Variants in NPHP4 observed in about 807,000 individuals in gnomAD.
NPHP4 encodes nephrocystin 4.
NPHP4 carries 151 observed loss-of-function variants against 155.8 expected under a neutral mutation model. The ratio of observed to expected loss-of-function variants is 0.97; its 90% CI spans 0.85 to 1.11. The LOEUF (loss-of-function observed/expected upper bound fraction) is 1.11. Ranked by LOEUF, NPHP4 falls within the 50% of genes least tolerant of loss-of-function variation. The pLI, the probability that NPHP4 is intolerant of heterozygous loss-of-function variation, is 0.00. For missense variants in NPHP4, 1,956 were observed against 1,925.7 expected, an observed-to-expected ratio of 1.02 and a Z score of -0.29; for synonymous variants, 845 against 816.8, an observed-to-expected ratio of 1.03 and a Z score of -0.59.
intron 9 of NPHP4, among the ~76,000 whole-genome samples, chr1:5,936,677 T>C: frequency 6.6e-6 from 1 of 152,228 alleles, no homozygotes; most frequent in East Asian, 1.9e-4. Context: ...GGTTTTGTTG[T>C]GGAACAGAAG....
At chr1:5,972,106 G>A (rs1652677927) in intron 3 of NPHP4, among the ~76,000 whole-genome samples, 2 of 152,356 alleles carry the variant, frequency 1.3e-5, no homozygotes, top group South Asian at 2.1e-4. Context: ...CCCATGGCAC[G>A]GCCACATGAC....
intron 7 of NPHP4, among the ~76,000 whole-genome samples, chr1:5,949,351 C>CACACACAT (rs1647471371): frequency 6.6e-6 from 1 of 151,240 alleles, no homozygotes; most frequent in African/African-American, 2.4e-5. Flanking sequence ...CATACACACA[C>CACACACAT]ACACACACAC....
chr1:5,900,515 A>G (rs1644619626), intron 16 of NPHP4, among the ~76,000 whole-genome samples: 2 of 152,276 alleles, frequency 1.3e-5, no homozygotes, highest in South Asian at 4.2e-4. Flanking sequence ...GCAACATGGA[A>G]ACAGTCAAAA....
intron 18 of NPHP4, 173 bp downstream of exon 18, chr1:5,887,113 G>A: frequency 1.6e-6 from 1 of 636,394 alleles, no homozygotes. Flanking sequence ...ACTGGGTCCA[G>A]GACAGACTCA....
intron 19 of NPHP4, among the ~76,000 whole-genome samples, chr1:5,878,331 G>C (rs764647061): frequency 1.1e-4 from 17 of 152,244 alleles, no homozygotes; most frequent in Non-Finnish European, 1.9e-4. Context: ...CCGGCAAACT[G>C]CTCTGCAGAT....
At chr1:5,962,529 T>C (rs10779681) in intron 5 of NPHP4, among the ~76,000 whole-genome samples, 92,439 of 151,972 alleles carry the variant, frequency 0.61, 28,304 homozygotes, top group East Asian at 0.76. Context: ...TCAGCACTTG[T>C]ATCCACCAAG....
chr1:5,968,003 A>AT, intron 4 of NPHP4, among the ~76,000 whole-genome samples: 1 of 152,024 alleles, frequency 6.6e-6, no homozygotes, highest in Non-Finnish European at 1.5e-5. Flanking sequence ...TCCTACACAG[A>AT]GCCTGGCACG....
chr1:5,927,082 A>G (rs547318762), intron 11 of NPHP4, among the ~76,000 whole-genome samples: 55 of 152,370 alleles, frequency 3.6e-4, no homozygotes, highest in Non-Finnish European at 5.9e-4. Context: ...GTACTGCCTC[A>G]GCAGAAGCAG....
chr1:5,965,942 G>A (rs71629759), intron 5 of NPHP4, among the ~76,000 whole-genome samples: 26,172 of 152,006 alleles, frequency 0.17, 2,355 homozygotes, highest in African/African-American at 0.22. Flanking sequence ...ACTCAGCTGC[G>A]CACGTGCACG....
chr1:5,945,819 AT>A (rs1647058013), intron 9 of NPHP4, among the ~76,000 whole-genome samples: 1 of 152,212 alleles, frequency 6.6e-6, no homozygotes, highest in Non-Finnish European at 1.5e-5. Context: ...GTCTGAAAAT[AT>A]TAAACAGAAA....
rs1383063920 is a variant in NPHP4, at chr1:5,969,112, G to A, written c.427C>T (p.Pro143Ser). 2 of 1,550,856 alleles carry A rather than the reference G, an allele frequency of 1.3e-6. No homozygotes were observed. Among genetic ancestry groups the A allele is most frequent in the Admixed American group, 3.9e-5 (2 of 50,960 alleles). Residue 143 changes from proline (P) to serine (S), a missense_variant, in exon 4 of 30, where the codon CCT (proline) becomes TCT (serine). Physicochemically the swap from Pro to Ser is moderately conservative, Grantham distance 74. Coordinates refer to ENST00000378156, the MANE Select transcript of NPHP4 (RefSeq NM_015102.5). ...LRIFSNQPDS[P>S]ISASQDKRLR... is the part of the protein sequence containing the mutation. ...CTTTTGTCCTGGGAAGCAGAGATAGGAGAGTCCGGCTGGTTGCTGAAGATC... is the reference window on the plus strand; with the variant it reads ...CTTTTGTCCTGGGAAGCAGAGATAGAAGAGTCCGGCTGGTTGCTGAAGATC...
At chr1:5,962,621 C>T (rs1369275576) in intron 5 of NPHP4, among the ~76,000 whole-genome samples, 2 of 152,236 alleles carry the variant, frequency 1.3e-5, no homozygotes, top group African/African-American at 2.4e-5. Flanking sequence ...AGCCACTTTC[C>T]TGGAGTGATG....
rs1052686603 is a variant in NPHP4 at position 5,960,107 on chromosome 1, G to A, written c.673+1687C>T. On this transcript the variant is annotated intron_variant, in intron 6 of 29. Transcript: ENST00000378156. Reference sequence around the variant, plus strand: ...TCTCTTTGCTCAACTCAACAGCAGTGACAATGAGGCCTTCCCTCTGTCTCC... The same window carrying A: ...TCTCTTTGCTCAACTCAACAGCAGTAACAATGAGGCCTTCCCTCTGTCTCC... 7.2e-5 allele frequency among the ~76,000 whole-genome samples: 11 copies of A among 152,358 alleles called. No individual in the cohort carries two copies. The South Asian group carries it at 2.3e-3, about 32-fold the overall frequency.
At chr1:5,887,005 C>G (rs1643863243) in intron 18 of NPHP4, 2 of 416,814 alleles carry the variant, frequency 4.8e-6, no homozygotes, top group African/African-American at 2.0e-5. Flanking sequence ...GAGGACTGTC[C>G]CGGAGATCCT....
chr1:5,962,161 A>AT (rs1650451226), intron 5 of NPHP4, among the ~76,000 whole-genome samples: 1 of 151,948 alleles, frequency 6.6e-6, no homozygotes, highest in African/African-American at 2.4e-5. Flanking sequence ...AAATGTTTTA[A>AT]TTTTTCTTTT....
Position 5,952,775 on chromosome 1 carries a change from G to A in NPHP4, c.735C>T (p.Phe245=). ...KPITGHLDDL[F]FTLYPSLEKF... ...TCTCCAGGGAGGGGTACAGGGTGAA[G>A]AATAAGTCATCCAAGTGCCCCGTGA... The change falls in exon 7 of 30, where the codon TTC becomes TTT. Residue 245 remains phenylalanine, a synonymous_variant. Transcript: ENST00000378156. 1 of 1,587,002 alleles carries A rather than the reference G, an allele frequency of 6.3e-7. No individual in the cohort carries two copies. Among genetic ancestry groups the A allele is most frequent in the Non-Finnish European group, 8.6e-7 (1 of 1,166,400 alleles).
At chr1:5,967,037 C>T (rs1007678803) in intron 5 of NPHP4, among the ~76,000 whole-genome samples, 1 of 152,226 alleles carries the variant, frequency 6.6e-6, no homozygotes, top group Non-Finnish European at 1.5e-5. Flanking sequence ...CAGAGCTGTT[C>T]CCCTCCCTCC....
chr1:5,875,126 C>T, intron 20 of NPHP4, 26 bp from the exon 21 acceptor site: 1 of 1,540,466 alleles, frequency 6.5e-7, no homozygotes, highest in Non-Finnish European at 8.8e-7. Flanking sequence ...CATGGGTGGA[C>T]AGGGTCCCAG....
At chr1:5,916,128 G>C (rs1401721348) in intron 11 of NPHP4, among the ~76,000 whole-genome samples, 1 of 152,094 alleles carries the variant, frequency 6.6e-6, no homozygotes, top group Non-Finnish European at 1.5e-5. Context: ...CAAAATATAG[G>C]TCAGGGAAAT....
Sources: allele counts gnomAD v4.1 joint callset (sites outside exome capture counted in the v4.1 genomes callset), GRCh38; gene constraint gnomAD v4.1.1; transcripts MANE v1.5; gene names NCBI Gene and HGNC (gene_info 2026-07-23, HGNC 2026-07-21).